The following IL1RAPL2 variants were observed in gnomAD, a reference collection of about 807,000 sequenced individuals.
IL1RAPL2 encodes X-linked interleukin-1 receptor accessory protein-like 2.
In IL1RAPL2, 3 loss-of-function variants were observed where a neutral mutation model predicts 44.1. The observed-to-expected ratio is 0.07, with a 90% CI of 0.03 to 0.18. The LOEUF (loss-of-function observed/expected upper bound fraction) is 0.18, where lower values mean the gene tolerates loss of function less well. Among genes scored for constraint, IL1RAPL2 ranks in the 10% least tolerant of loss-of-function variants. The pLI is 1.00. For missense variants in IL1RAPL2, 391 were observed against 496.4 expected (o/e 0.79, Z 2.02); for synonymous variants, 181 against 178.8 (o/e 1.01, Z -0.10).
At chrX:105,684,519 A>T (rs960934370) in intron 6 of IL1RAPL2, among the ~76,000 whole-genome samples, 4 of 112,413 alleles carry the variant, frequency 3.6e-5, no homozygotes, top group Non-Finnish European at 5.6e-5. Flanking sequence ...AGGTGAACAA[A>T]GCGGCCGGGA....
At chrX:104,956,804 A>G (rs1433497868) in intron 2 of IL1RAPL2, among the ~76,000 whole-genome samples, 1 of 111,392 alleles carries the variant, frequency 9.0e-6, no homozygotes, top group Admixed American at 9.6e-5. Flanking sequence ...CACTAAGAGC[A>G]GTTCTGGTTT....
intron 3 of IL1RAPL2, among the ~76,000 whole-genome samples, chrX:105,232,959 T>C (rs781856148): frequency 8.9e-6 from 1 of 111,882 alleles, no homozygotes; most frequent in South Asian, 3.7e-4. Context: ...AAGCCCAAAA[T>C]TCAACACCTG....
chrX:105,055,896 C>T (rs1462069926), intron 2 of IL1RAPL2, among the ~76,000 whole-genome samples: 1 of 111,667 alleles, frequency 9.0e-6, no homozygotes, highest in African/African-American at 3.3e-5. Context: ...ACCAAAATGA[C>T]TTAATACACT....
At chrX:105,024,352 C>G (rs1259512826) in intron 2 of IL1RAPL2, among the ~76,000 whole-genome samples, 1 of 111,516 alleles carries the variant, frequency 9.0e-6, no homozygotes, top group Admixed American at 9.6e-5. Flanking sequence ...GAACTGGAAA[C>G]AGTCCTTTCA....
intron 6 of IL1RAPL2, among the ~76,000 whole-genome samples, chrX:105,590,663 T>C (rs2037162107): frequency 8.9e-6 from 1 of 111,837 alleles, no homozygotes; most frequent in African/African-American, 3.3e-5. Flanking sequence ...ATCACCTTTA[T>C]TGATTGTGCA....
intron 2 of IL1RAPL2, among the ~76,000 whole-genome samples, chrX:104,729,998 C>A (rs370774758): frequency 1.8e-5 from 2 of 110,656 alleles, no homozygotes; most frequent in South Asian, 3.9e-4. Context: ...AGAAAGCCAG[C>A]ATTACAATGA....
At chrX:105,084,785 G>A (rs1421683841) in intron 2 of IL1RAPL2, among the ~76,000 whole-genome samples, 1 of 111,288 alleles carries the variant, frequency 9.0e-6, no homozygotes, top group Admixed American at 9.6e-5. Flanking sequence ...GCCAGAGGCA[G>A]AATGATATGG....
chrX:105,224,114 A>G (rs1350426721), intron 3 of IL1RAPL2, among the ~76,000 whole-genome samples: 1 of 110,622 alleles, frequency 9.0e-6, no homozygotes, highest in East Asian at 2.9e-4. Context: ...AATAAGCAGG[A>G]CAAAAAAACA....
intron 5 of IL1RAPL2, among the ~76,000 whole-genome samples, chrX:105,291,838 A>G (rs972855638): frequency 9.9e-5 from 11 of 111,670 alleles, no homozygotes; most frequent in Non-Finnish European, 1.9e-4. Context: ...CCCTCAAAAA[A>G]CACAATTTTG....
intron 2 of IL1RAPL2, among the ~76,000 whole-genome samples, chrX:104,908,170 A>G (rs1400870328): frequency 1.8e-5 from 2 of 111,133 alleles, no homozygotes; most frequent in Non-Finnish European, 3.8e-5. Context: ...ATTTTCCTCC[A>G]TCCTTTTATT....
At chrX:105,263,874 G>A (rs1283424069) in intron 4 of IL1RAPL2, among the ~76,000 whole-genome samples, 1 of 111,739 alleles carries the variant, frequency 8.9e-6, no homozygotes, top group Admixed American at 9.5e-5. Context: ...ACAATAAATA[G>A]TAGGGGGATT....
chrX:104,632,325 G>A (rs1231277703), intron 1 of IL1RAPL2, among the ~76,000 whole-genome samples: 1 of 111,358 alleles, frequency 9.0e-6, no homozygotes, highest in African/African-American at 3.3e-5. Context: ...GGCGATGCGG[G>A]CTCTTTTTTG....
intron 2 of IL1RAPL2, among the ~76,000 whole-genome samples, chrX:104,695,225 A>G (rs1931157802): frequency 8.9e-6 from 1 of 112,072 alleles, no homozygotes; most frequent in African/African-American, 3.2e-5. Context: ...GTCTTTCTGG[A>G]CTTCTGAGGG....
chrX:105,012,598 T>TC (rs2031070079), intron 2 of IL1RAPL2, among the ~76,000 whole-genome samples: 5 of 51,728 alleles, frequency 9.7e-5, no homozygotes, highest in Admixed American at 2.6e-4. Context: ...AACTTTCTCT[T>TC]TCTCTCTCTC....
chrX:104,882,746 T>C (rs757362840), intron 2 of IL1RAPL2, among the ~76,000 whole-genome samples: 26 of 111,742 alleles, frequency 2.3e-4, no homozygotes, highest in African/African-American at 7.5e-4. Flanking sequence ...TTCCATGCTG[T>C]AGAAGCTTTG....
At chrX:105,151,704 T>C (rs1602980477) in intron 2 of IL1RAPL2, among the ~76,000 whole-genome samples, 2 of 110,040 alleles carry the variant, frequency 1.8e-5, no homozygotes, top group Middle Eastern at 9.6e-3. Context: ...TGTTTCAACA[T>C]AGGCTTTCAG....
chrX:105,738,051 A>G (rs1344582501), intron 7 of IL1RAPL2, among the ~76,000 whole-genome samples: 8 of 111,758 alleles, frequency 7.2e-5, no homozygotes, highest in Non-Finnish European at 9.4e-5. Flanking sequence ...CTCAGATTTT[A>G]GAAACTCCAT....
chrX:105,570,561 C>T (rs1300653652), intron 6 of IL1RAPL2, among the ~76,000 whole-genome samples: 1 of 111,790 alleles, frequency 8.9e-6, no homozygotes, highest in Non-Finnish European at 1.9e-5. Flanking sequence ...TACATTCCCA[C>T]CAGCAGTATA....
chrX:104,867,887 G>A (rs1922660053), intron 2 of IL1RAPL2, among the ~76,000 whole-genome samples: 1 of 112,042 alleles, frequency 8.9e-6, no homozygotes, highest in African/African-American at 3.2e-5. Flanking sequence ...GATGTGAAAT[G>A]TGTTTAGGAA....
Sources: gnomAD v4.1 joint callset for allele counts (sites outside exome capture counted in the v4.1 genomes callset) on GRCh38, gnomAD v4.1.1 for gene constraint, MANE v1.5 for transcripts, NCBI Gene and HGNC (gene_info 2026-07-23, HGNC 2026-07-21) for gene names.